RBPMS: variants seen among roughly 807,000 people sequenced by gnomAD.
RBPMS encodes the protein RNA binding protein, mRNA processing factor.
RBPMS carries 7 observed loss-of-function variants against 26.8 expected under a neutral mutation model. That is an observed-to-expected ratio of 0.26 (90% CI 0.15 to 0.49). The LOEUF is 0.49. Among genes scored for constraint, RBPMS ranks in the 20% least tolerant of loss-of-function variants. The pLI is 0.98. For synonymous variants in RBPMS, 96 were observed against 93.3 expected, an observed-to-expected ratio of 1.03 and a Z score of -0.17; for missense variants, 186 against 250.0, an observed-to-expected ratio of 0.74 and a Z score of 1.73.
intron 1 of RBPMS, among the ~76,000 whole-genome samples, chr8:30,417,832 C>G (rs762335163): frequency 3.3e-5 from 5 of 152,122 alleles, no homozygotes; most frequent in Non-Finnish European, 7.4e-5. Context: ...AATATATTAC[C>G]CATTTCCTGC....
intron 8 of RBPMS, 55 bp from the exon 9 acceptor site, chr8:30,570,582 G>GC (rs757811000): frequency 4.4e-4 from 67 of 152,836 alleles, no homozygotes; most frequent in South Asian, 1.5e-3. Flanking sequence ...CAAAGCCATC[G>GC]CAACTAGGGA....
intron 5 of RBPMS, among the ~76,000 whole-genome samples, chr8:30,536,230 C>G (rs1038033420): frequency 6.6e-6 from 1 of 151,582 alleles, no homozygotes. Flanking sequence ...CAGGTTCAAG[C>G]CATTCTCCTG....
At chr8:30,469,822 A>G (rs1361142111) in intron 1 of RBPMS, among the ~76,000 whole-genome samples, 3 of 152,186 alleles carry the variant, frequency 2.0e-5, no homozygotes, top group African/African-American at 4.8e-5. Context: ...TGAGTATTTC[A>G]TCATAAATTT....
At chr8:30,541,198 TA>T (rs1356853621) in intron 5 of RBPMS, among the ~76,000 whole-genome samples, 1 of 152,174 alleles carries the variant, frequency 6.6e-6, no homozygotes, top group African/African-American at 2.4e-5. Flanking sequence ...CCGTAGACTG[TA>T]AGCTTCACCT....
At chr8:30,427,772 CAG>C (rs1811515499) in intron 1 of RBPMS, among the ~76,000 whole-genome samples, 1 of 152,172 alleles carries the variant, frequency 6.6e-6, no homozygotes, top group Non-Finnish European at 1.5e-5. Context: ...GGTTAGAACA[CAG>C]GACGCAGATT....
At chr8:30,554,426 C>A (rs571343070) in intron 6 of RBPMS, among the ~76,000 whole-genome samples, 4 of 152,210 alleles carry the variant, frequency 2.6e-5, no homozygotes, top group Non-Finnish European at 4.4e-5. Flanking sequence ...TCAAGTCAAA[C>A]AGGTTTCTTT....
intron 7 of RBPMS, chr8:30,563,909 G>A (rs1827697875): frequency 6.6e-6 from 1 of 152,214 alleles, no homozygotes; most frequent in African/African-American, 2.4e-5. Flanking sequence ...GAGGCTGTGA[G>A]GTCTGCACAT....
intron 6 of RBPMS, 74 bp from the exon 7 acceptor site, chr8:30,558,813 C>T: frequency 7.7e-7 from 1 of 1,295,958 alleles, no homozygotes; most frequent in Non-Finnish European, 1.1e-6. Flanking sequence ...AAGTGGTAGC[C>T]AAGCAGGACC....
intron 6 of RBPMS, chr8:30,545,280 A>C (rs1825779964): frequency 1.7e-6 from 2 of 1,206,466 alleles, no homozygotes; most frequent in Non-Finnish European, 2.1e-6. Context: ...GATTTTTATA[A>C]ACAAACTTCC....
chr8:30,475,252 T>G (rs1212536486), intron 2 of RBPMS, among the ~76,000 whole-genome samples: 1 of 152,220 alleles, frequency 6.6e-6, no homozygotes. Flanking sequence ...TTGATGGTAA[T>G]ATTTCCTGGT....
chr8:30,479,925 G>A lies in RBPMS; in HGVS notation c.246+548G>A, dbSNP rs79066048. On this transcript the variant is annotated intron_variant, in intron 4 of 8. Transcript: ENST00000397323. The stretch of plus-strand genomic sequence containing the variant: ...ATAAATTACAGTCATTTGTAATTGA[G>A]TAGATATATCTGTATTTGGTTTGTA... 9.5e-3 allele frequency among the ~76,000 whole-genome samples: 1,442 copies of A among 152,242 alleles called. 24 individuals carry two copies. Among genetic ancestry groups the A allele is most frequent in the African/African-American group, 0.03 (1,226 of 41,536 alleles).
intron 4 of RBPMS, among the ~76,000 whole-genome samples, chr8:30,489,824 T>C (rs1819201661): frequency 6.6e-6 from 1 of 151,986 alleles, no homozygotes; most frequent in East Asian, 1.9e-4. Context: ...TTTTGTTTTG[T>C]TTTTGAGACG....
At chr8:30,557,313 G>T (rs995469248) in intron 6 of RBPMS, among the ~76,000 whole-genome samples, 41 of 152,182 alleles carry the variant, frequency 2.7e-4, no homozygotes, top group Middle Eastern at 3.2e-3. Context: ...CTTGTGCTCG[G>T]ACCAGGGACA....
intron 1 of RBPMS, among the ~76,000 whole-genome samples, chr8:30,460,776 G>A (rs1815789503): frequency 6.6e-6 from 1 of 152,174 alleles, no homozygotes; most frequent in Non-Finnish European, 1.5e-5. Flanking sequence ...AATTAATGGA[G>A]CTGGGTGTGG....
intron 4 of RBPMS, among the ~76,000 whole-genome samples, chr8:30,497,855 C>G (rs1374006337): frequency 6.6e-6 from 1 of 151,762 alleles, no homozygotes; most frequent in East Asian, 1.9e-4. Context: ...ATCTCCTGAC[C>G]TTGTGATCTG....
intron 1 of RBPMS, among the ~76,000 whole-genome samples, chr8:30,414,037 C>T (rs1809771014): frequency 6.6e-6 from 1 of 152,178 alleles, no homozygotes; most frequent in Admixed American, 6.5e-5. Flanking sequence ...CCACCGTGCC[C>T]AGCCAGAGTG....
At chr8:30,539,448 G>A (rs1425069290) in intron 5 of RBPMS, among the ~76,000 whole-genome samples, 1 of 152,118 alleles carries the variant, frequency 6.6e-6, no homozygotes, top group Non-Finnish European at 1.5e-5. Context: ...TAAGTTATCT[G>A]TGAGACCTTA....
chr8:30,446,860 G>A (rs1242126345), intron 1 of RBPMS: 1 of 128,934 alleles, frequency 7.8e-6, no homozygotes, highest in African/African-American at 3.2e-5. Context: ...CGCGCGCGCG[G>A]TGGAGGGTAG....
intron 1 of RBPMS, among the ~76,000 whole-genome samples, chr8:30,450,366 G>A (rs1324362766): frequency 2.6e-5 from 4 of 152,176 alleles, no homozygotes; most frequent in African/African-American, 9.7e-5. Flanking sequence ...TTCTCTAGCA[G>A]GCAGACTTAG....
Sources: gnomAD v4.1 joint callset for allele counts (sites outside exome capture counted in the v4.1 genomes callset) on GRCh38, gnomAD v4.1.1 for gene constraint, MANE v1.5 for transcripts, NCBI Gene and HGNC (gene_info 2026-07-23, HGNC 2026-07-21) for gene names.